DYNC1I2: variants seen among roughly 807,000 people sequenced by gnomAD.
DYNC1I2 encodes the protein dynein cytoplasmic 1 intermediate chain 2.
DYNC1I2 carries 53 observed loss-of-function variants against 88.6 expected under a neutral mutation model. That is an observed-to-expected ratio of 0.60 (90% CI 0.48 to 0.75). The LOEUF is 0.75. Among genes scored for constraint, DYNC1I2 ranks in the 30% least tolerant of loss-of-function variants. DYNC1I2 has a pLI of 0.00. For synonymous variants in DYNC1I2, 198 were observed against 254.6 expected (o/e 0.78, Z 2.12); for missense variants, 458 against 766.6 (o/e 0.60, Z 4.75).
At chr2:171,706,753 T>C (rs544858218) in intron 4 of DYNC1I2, 189 bp downstream of exon 4, 2 of 488,474 alleles carry the variant, frequency 4.1e-6, no homozygotes, top group Non-Finnish European at 7.1e-6. Flanking sequence ...TATCTTTTTT[T>C]GGGGGGGAGG....
At chr2:171,709,553 T>C (rs1019273460) in intron 5 of DYNC1I2, among the ~76,000 whole-genome samples, 1 of 152,224 alleles carries the variant, frequency 6.6e-6, no homozygotes, top group Non-Finnish European at 1.5e-5. Flanking sequence ...TAGTGTGCTA[T>C]GTTTAGTGTG....
chr2:171,717,118 T>C (rs1559383546), intron 7 of DYNC1I2, among the ~76,000 whole-genome samples: 1 of 150,904 alleles, frequency 6.6e-6, no homozygotes, highest in Non-Finnish European at 1.5e-5. Context: ...GAAATTGGTA[T>C]AACATTTTTG....
intron 3 of DYNC1I2, among the ~76,000 whole-genome samples, chr2:171,695,937 A>G (rs1042537965): frequency 6.6e-6 from 1 of 152,202 alleles, no homozygotes; most frequent in Non-Finnish European, 1.5e-5. Context: ...TTTAATATAC[A>G]TTTATCTGAT....
intron 15 of DYNC1I2, among the ~76,000 whole-genome samples, chr2:171,731,346 A>C (rs762651368): frequency 6.6e-6 from 1 of 152,224 alleles, no homozygotes; most frequent in Non-Finnish European, 1.5e-5. Context: ...CAGGCATGAC[A>C]CTCAAAGGAA....
Position 171,749,657 on chromosome 2 carries a change from G to C in DYNC1I2, c.*1768G>C, listed in dbSNP as rs1488046064. On this transcript the variant is annotated 3_prime_UTR_variant, in exon 18 of 18. Coordinates refer to ENST00000397119, the MANE Select transcript of DYNC1I2 (RefSeq NM_001378.3). The stretch of plus-strand genomic sequence containing the variant: ...CAAATCACATGTTCCTCAGCCTCAA[G>C]GTGTGTTTAGTTGTGAAAGAAAGAA... Among the ~76,000 whole-genome samples the C allele has an allele frequency of 6.6e-6, 1 of 152,058 alleles. No individual in the cohort carries two copies. The highest frequency in any genetic ancestry group is 1.5e-5 in the Non-Finnish European group (1 of 67,964).
At chr2:171,692,739 C>T in intron 2 of DYNC1I2, 38 bp from the exon 3 acceptor site, 1 of 1,441,484 alleles carries the variant, frequency 6.9e-7, no homozygotes, top group Non-Finnish European at 9.4e-7. Flanking sequence ...ATTTTTCATA[C>T]TATATGTAAA....
intron 3 of DYNC1I2, among the ~76,000 whole-genome samples, chr2:171,700,908 G>T (rs1380936861): frequency 6.6e-6 from 1 of 152,268 alleles, no homozygotes; most frequent in Non-Finnish European, 1.5e-5. Context: ...TGGGATTACA[G>T]GTGTGAGCCA....
Position 171,729,956 on chromosome 2 carries a change from T to C in DYNC1I2, c.1536+103T>C, listed in dbSNP as rs16859789. On this transcript the variant is annotated intron_variant, in intron 15 of 17. Transcript: ENST00000397119. ...GAAAACCTTTTAAATCATAATTGTT[T>C]GCTAATAGATGAAGCCTGCTAGGAA... is the stretch of plus-strand genomic sequence containing the variant. The C allele has an allele frequency of 4.5e-3, 6,041 of 1,344,634 alleles. 116 individuals carry two copies. The African/African-American group carries it at 0.055, about 12-fold the overall frequency. The allele number at this position is 1,344,634 out of a possible 1,614,324, so 83.3% of individuals were successfully genotyped here.
Position 171,702,036 on chromosome 2 carries a change from A to C in DYNC1I2, c.227-4511A>C, listed in dbSNP as rs531092084. On this transcript the variant is annotated intron_variant, in intron 3 of 17. Transcript: ENST00000397119. Reference sequence around the variant, plus strand: ...AAGCCAAATGTCATTGCTTTAATTTATTTAGCTTATGATATCTATTTGAAA... The same window carrying C: ...AAGCCAAATGTCATTGCTTTAATTTCTTTAGCTTATGATATCTATTTGAAA... Among the ~76,000 whole-genome samples, 4 of 152,296 alleles carry C rather than the reference A, an allele frequency of 2.6e-5. No homozygotes were observed. In the South Asian group the frequency reaches 8.3e-4, roughly 32 times the overall value.
At position 171,747,807 on chromosome 2, in the gene DYNC1I2, C is replaced by T; in HGVS notation, c.1835C>T (p.Ala612Val). The T allele has an allele frequency of 4.3e-6, 7 of 1,611,062 alleles. No individual in the cohort carries two copies. Among genetic ancestry groups the T allele is most frequent in the Non-Finnish European group, 5.9e-6 (7 of 1,179,310 alleles). The change falls in exon 18 of 18, where the codon GCA becomes GTA. Residue 612 changes from alanine to valine, a missense_variant. Physicochemically the swap from Ala to Val is moderately conservative, Grantham distance 64 (BLOSUM62 0). Coordinates refer to ENST00000397119, the MANE Select transcript of DYNC1I2 (RefSeq NM_001378.3). ...GCTGTTCCCCGCAATGATGAATGGG[C>T]ACGGTTTGGCCGAACACTTGCAGAA... is the stretch of plus-strand genomic sequence containing the variant. ...QIAVPRNDEW[A>V]RFGRTLAEIN...
At chr2:171,727,204 T>C (rs1688311510) in intron 11 of DYNC1I2, among the ~76,000 whole-genome samples, 1 of 152,146 alleles carries the variant, frequency 6.6e-6, no homozygotes. Flanking sequence ...AAAGGAATCT[T>C]TTATAAAATG....
chr2:171,725,840 C>A, intron 8 of DYNC1I2, 79 bp from the exon 9 acceptor site: 3 of 1,295,998 alleles, frequency 2.3e-6, no homozygotes, highest in Non-Finnish European at 3.2e-6. Context: ...TAATAACATA[C>A]ATTGATCCAT....
At chr2:171,708,679 A>G (rs1686869735) in intron 5 of DYNC1I2, among the ~76,000 whole-genome samples, 2 of 151,870 alleles carry the variant, frequency 1.3e-5, no homozygotes, top group African/African-American at 4.8e-5. Flanking sequence ...TTTTTATACA[A>G]ATATGTCATT....
intron 3 of DYNC1I2, among the ~76,000 whole-genome samples, chr2:171,704,125 A>G (rs773782776): frequency 7.2e-5 from 11 of 152,168 alleles, no homozygotes; most frequent in Non-Finnish European, 1.5e-4. Context: ...TTCTAAATCT[A>G]GGTGCATTCC....
intron 7 of DYNC1I2, among the ~76,000 whole-genome samples, chr2:171,720,787 T>G (rs1249996362): frequency 6.6e-6 from 1 of 152,094 alleles, no homozygotes; most frequent in Non-Finnish European, 1.5e-5. Context: ...AATAACACAT[T>G]TAATAAATTA....
intron 15 of DYNC1I2, among the ~76,000 whole-genome samples, chr2:171,734,568 C>T (rs1688875187): frequency 6.6e-6 from 1 of 152,148 alleles, no homozygotes; most frequent in Admixed American, 6.6e-5. Context: ...CCCAACATCC[C>T]TCCAGTGTTA....
At chr2:171,747,700 G>A in intron 17 of DYNC1I2, 76 bp from the exon 18 acceptor site, 1 of 1,045,170 alleles carries the variant, frequency 9.6e-7, no homozygotes. Flanking sequence ...AAAATTATTT[G>A]AAAACAAACT....
chr2:171,705,344 A>G (rs997620443), intron 3 of DYNC1I2, among the ~76,000 whole-genome samples: 2 of 152,100 alleles, frequency 1.3e-5, no homozygotes, highest in African/African-American at 2.4e-5. Flanking sequence ...AAGGGGGAAA[A>G]GCATGTTAAA....
chr2:171,717,000 G>GC (rs1337140847), intron 7 of DYNC1I2, among the ~76,000 whole-genome samples: 2 of 152,116 alleles, frequency 1.3e-5, no homozygotes, highest in East Asian at 3.9e-4. Context: ...TCCTTTTGCT[G>GC]CCCTCTGAGG....
Sources: allele counts gnomAD v4.1 joint callset (sites outside exome capture counted in the v4.1 genomes callset), GRCh38; gene constraint gnomAD v4.1.1; transcripts MANE v1.5; gene names NCBI Gene and HGNC (gene_info 2026-07-23, HGNC 2026-07-21).